Variants in ANKFN1 observed in about 807,000 individuals in gnomAD.
ANKFN1 encodes the protein ankyrin repeat and fibronectin type III domain containing 1.
ANKFN1 carries 74 observed loss-of-function variants against 108.7 expected under a neutral mutation model. The ratio of observed to expected loss-of-function variants is 0.68; its 90% CI spans 0.56 to 0.83. ANKFN1 has a LOEUF of 0.83. Ranked by LOEUF, ANKFN1 falls within the 40% of genes least tolerant of loss-of-function variation. ANKFN1 has a pLI of 0.00. For missense variants in ANKFN1, 1,505 were observed against 1,382.3 expected, an observed-to-expected ratio of 1.09 and a Z score of -1.41; for synonymous variants, 547 against 516.2, an observed-to-expected ratio of 1.06 and a Z score of -0.81.
chr17:56,440,465 T>A, intron 9 of ANKFN1, 41 bp downstream of exon 9: 1 of 1,521,334 alleles, frequency 6.6e-7, no homozygotes, highest in Non-Finnish European at 9.1e-7. Context: ...CTATTGCTGA[T>A]ATTTGTGCTG....
chr17:56,183,956 A>G (rs978915710), intron 1 of ANKFN1, among the ~76,000 whole-genome samples: 1 of 152,208 alleles, frequency 6.6e-6, no homozygotes, highest in Non-Finnish European at 1.5e-5. Context: ...TTGAATGGAT[A>G]TTGAGTTGCT....
chr17:56,382,129 C>G (rs537982733), intron 8 of ANKFN1, among the ~76,000 whole-genome samples: 1 of 152,208 alleles, frequency 6.6e-6, no homozygotes, highest in Non-Finnish European at 1.5e-5. Context: ...AACAGCGGAT[C>G]TCTCGGCAGA....
At chr17:56,422,194 A>G (rs1223250265) in intron 8 of ANKFN1, among the ~76,000 whole-genome samples, 4 of 152,202 alleles carry the variant, frequency 2.6e-5, no homozygotes, top group African/African-American at 9.7e-5. Context: ...TCTTTGCAAC[A>G]TGTTCACACT....
At chr17:56,134,307 C>CCACA (rs1255373310) in intron 4 of ANKFN1, among the ~76,000 whole-genome samples, 4 of 151,956 alleles carry the variant, frequency 2.6e-5, no homozygotes, top group African/African-American at 7.3e-5. Context: ...CTCTCCAAGT[C>CCACA]CACAGTTTAG....
chr17:56,341,610 A>G (rs1257067362), intron 4 of ANKFN1, among the ~76,000 whole-genome samples: 1 of 151,940 alleles, frequency 6.6e-6, no homozygotes, highest in African/African-American at 2.4e-5. Context: ...AATCACATTT[A>G]TTGATTTGCA....
intron 15 of ANKFN1, among the ~76,000 whole-genome samples, chr17:56,475,524 T>C (rs2050468507): frequency 6.6e-6 from 1 of 152,186 alleles, no homozygotes; most frequent in Non-Finnish European, 1.5e-5. Context: ...TAGAATTCTA[T>C]AGACATTTCA....
chr17:56,274,377 G>A (rs947323621), intron 3 of ANKFN1, among the ~76,000 whole-genome samples: 3 of 152,138 alleles, frequency 2.0e-5, no homozygotes, highest in Non-Finnish European at 2.9e-5. Flanking sequence ...GGAGGCTGAG[G>A]CAGGAGAATG....
intron 4 of ANKFN1, among the ~76,000 whole-genome samples, chr17:56,054,682 C>A (rs546974651): frequency 6.6e-6 from 1 of 151,914 alleles, no homozygotes. Flanking sequence ...GAGTCTGAGG[C>A]GGGTGGATCA....
At chr17:56,326,058 G>A (rs2045506961) in intron 3 of ANKFN1, among the ~76,000 whole-genome samples, 163 bp from the exon 4 acceptor site, 1 of 152,188 alleles carries the variant, frequency 6.6e-6, no homozygotes, top group African/African-American at 2.4e-5. Context: ...TCCCCAGGCT[G>A]CAGTCTAGAG....
At chr17:56,311,481 G>T (rs973212233) in intron 3 of ANKFN1, among the ~76,000 whole-genome samples, 1 of 152,144 alleles carries the variant, frequency 6.6e-6, no homozygotes, top group Non-Finnish European at 1.5e-5. Flanking sequence ...ACTACCCTGA[G>T]TACGTTATAT....
intron 3 of ANKFN1, among the ~76,000 whole-genome samples, chr17:56,307,556 A>G (rs1271338775): frequency 4.6e-5 from 7 of 152,240 alleles, no homozygotes; most frequent in African/African-American, 1.4e-4. Context: ...TAGAATGGCG[A>G]TCATTAAAAA....
chr17:56,130,105 C>A (rs1452247726), intron 4 of ANKFN1, among the ~76,000 whole-genome samples: 1 of 152,192 alleles, frequency 6.6e-6, no homozygotes, highest in Non-Finnish European at 1.5e-5. Flanking sequence ...CTAATTCGAA[C>A]AAGGCTTTAT....
At chr17:56,473,581 TG>T (rs2050397068) in intron 15 of ANKFN1, 1 of 143,430 alleles carries the variant, frequency 7.0e-6, no homozygotes, top group Non-Finnish European at 1.5e-5. Context: ...GAGAATCGCT[TG>T]AACCCAGGAG....
intron 4 of ANKFN1, among the ~76,000 whole-genome samples, chr17:56,113,984 A>G (rs1363906387): frequency 6.6e-6 from 1 of 152,210 alleles, no homozygotes; most frequent in African/African-American, 2.4e-5. Context: ...CTTAGAGGCC[A>G]TGGAATACAA....
At chr17:56,119,804 T>C (rs143618388) in intron 4 of ANKFN1, among the ~76,000 whole-genome samples, 1 of 152,162 alleles carries the variant, frequency 6.6e-6, no homozygotes, top group Non-Finnish European at 1.5e-5. Context: ...ATAGATTAAG[T>C]TATTTAATAG....
At chr17:56,156,432 G>A (rs1909127444) in intron 1 of ANKFN1, 1 of 152,138 alleles carries the variant, frequency 6.6e-6, no homozygotes, top group African/African-American at 2.4e-5. Flanking sequence ...CTACCTCAAT[G>A]AGTTGTGAAG....
chr17:56,115,090 T>C (rs2143269092), intron 4 of ANKFN1, among the ~76,000 whole-genome samples: 2 of 152,366 alleles, frequency 1.3e-5, no homozygotes, highest in South Asian at 2.1e-4. Flanking sequence ...TTTAAGCTAC[T>C]AAGTTTGTGG....
chr17:56,254,897 C>A (rs1028660864), intron 3 of ANKFN1, among the ~76,000 whole-genome samples: 1 of 152,104 alleles, frequency 6.6e-6, no homozygotes, highest in Non-Finnish European at 1.5e-5. Flanking sequence ...ATATGGCAAC[C>A]CCCAGACACA....
At chr17:56,055,600 C>CACATATATATATATATATACAT (rs1567778636) in intron 4 of ANKFN1, among the ~76,000 whole-genome samples, 2 of 33,590 alleles carry the variant, frequency 6.0e-5, no homozygotes, top group African/African-American at 2.6e-4. Context: ...TATATATACA[C>CACATATATATATATATATACAT]ATTTTTTTAT....
Sources: gnomAD v4.1 joint callset for allele counts (sites outside exome capture counted in the v4.1 genomes callset) on GRCh38, gnomAD v4.1.1 for gene constraint, MANE v1.5 for transcripts, NCBI Gene and HGNC (gene_info 2026-07-23, HGNC 2026-07-21) for gene names.